Variants in NUDT12 observed in about 807,000 individuals in gnomAD.
NUDT12 encodes the protein NAD-capped RNA hydrolase NUDT12.
Under a neutral mutation model 45.7 loss-of-function variants are expected in NUDT12, and 42 were observed. The observed-to-expected ratio is 0.92, with a 90% CI of 0.72 to 1.19. NUDT12 has a LOEUF of 1.19. NUDT12 is among the 50% of genes most tolerant of loss of function. The probability of loss-of-function intolerance (pLI) is 0.00; values close to 1 mark genes in which losing one functional copy is unlikely to be tolerated. For synonymous variants in NUDT12, 206 were observed against 179.7 expected, an observed-to-expected ratio of 1.15 and a Z score of -1.17; for missense variants, 590 against 533.1, an observed-to-expected ratio of 1.11 and a Z score of -1.05.
At chr5:103,557,313 A>ATATATATATATATATATATATATAT (rs1462727065) in intron 3 of NUDT12, among the ~76,000 whole-genome samples, 1 of 143,848 alleles carries the variant, frequency 7.0e-6, no homozygotes, top group Non-Finnish European at 1.5e-5. Context: ...ATGTCTAAAG[A>ATATATATATATATATATATATATAT]AAATAAATTT....
chr5:103,559,355 G>C lies in NUDT12; in HGVS notation c.320C>G (p.Pro107Arg), dbSNP rs1481953436. The C allele has an allele frequency of 1.2e-6, 2 of 1,613,396 alleles. No individual in the cohort carries two copies. Among genetic ancestry groups the C allele is most frequent in the Non-Finnish European group, 1.7e-6 (2 of 1,179,620 alleles). Reference protein sequence around the residue: ...LLATAKGGKKPWFLTNEVEEC... With the variant: ...LLATAKGGKKRWFLTNEVEEC... Reference sequence around the variant, plus strand: ...TTCCACTTCATTCGTTAGGAACCAAGGCTTCTTCCCACCTTTAGCAGTAGC... The same window carrying C: ...TTCCACTTCATTCGTTAGGAACCAACGCTTCTTCCCACCTTTAGCAGTAGC... Residue 107 changes from proline to arginine, a missense_variant, in exon 3 of 7, where the codon CCT becomes CGT. Transcript: ENST00000230792.
chr5:103,550,355 G>C lies in NUDT12; in HGVS notation c.*506C>G, dbSNP rs908373278. On this transcript the variant is annotated 3_prime_UTR_variant, in exon 7 of 7. Transcript: ENST00000230792. ...GAAAGAGCAAGTGGGACTACAATGGGGAGATGAACAAAAACCATATATTGA... is the reference window on the plus strand; with the variant it reads ...GAAAGAGCAAGTGGGACTACAATGGCGAGATGAACAAAAACCATATATTGA... 1.3e-5 allele frequency: 2 copies of C among 153,790 alleles called. No homozygotes were observed. Among genetic ancestry groups the C allele is most frequent in the Non-Finnish European group, 2.9e-5 (2 of 69,174 alleles). 9.5% of individuals were successfully genotyped at this position (153,790 alleles called of 1,614,324 possible).
chr5:103,559,190 A>G lies in NUDT12; in HGVS notation c.485T>C (p.Leu162Pro). 2 of 1,558,984 alleles carry G rather than the reference A, an allele frequency of 1.3e-6. No homozygotes were observed. The highest frequency in any genetic ancestry group is 4.5e-5 in the East Asian group (2 of 44,480). Residue 162 changes from leucine to proline, a missense_variant, in exon 3 of 7, where the codon CTA becomes CCA. Coordinates refer to ENST00000230792, the MANE Select transcript of NUDT12 (RefSeq NM_031438.4). Reference protein sequence around the residue: ...LFSDLNPLVTLGGNKESFQQP... With the variant: ...LFSDLNPLVTPGGNKESFQQP... The stretch of plus-strand genomic sequence containing the variant: ...TTGGAAACTTTCTTTATTGCCACCT[A>G]GAGTAACCAAGGGATTTAAATCTGA...
intron 6 of NUDT12, 128 bp downstream of exon 6, chr5:103,552,089 T>G (rs1449713359): frequency 3.0e-6 from 2 of 664,750 alleles, no homozygotes; most frequent in Non-Finnish European, 5.4e-6. Flanking sequence ...AATTACCATG[T>G]AATCCATGCA....
chr5:103,556,679 T>C (rs941608376), intron 3 of NUDT12, among the ~76,000 whole-genome samples: 1 of 152,086 alleles, frequency 6.6e-6, no homozygotes, highest in Non-Finnish European at 1.5e-5. Context: ...AAATGCCTAA[T>C]AGGATAAATC....
chr5:103,560,245 A>T lies in NUDT12; in HGVS notation c.4T>A (p.Ser2Thr), dbSNP rs1403373136. The change falls in exon 2 of 7, where the codon TCT becomes ACT. Residue 2 changes from serine (S) to threonine (T), a missense_variant. By Grantham distance (58) the Ser-to-Thr change is moderately conservative (BLOSUM62 1). Coordinates refer to ENST00000230792, the MANE Select transcript of NUDT12 (RefSeq NM_031438.4). M[S>T]SVKRSLKQEI... ...TGCTTCAGACTTCTTTTTACAGAAG[A>T]CATTTCTTCCTTAAAAGAAGGAAAA... The T allele has an allele frequency of 6.2e-7, 1 of 1,610,824 alleles. No individual in the cohort carries two copies. The highest frequency in any genetic ancestry group is 1.7e-5 in the Admixed American group (1 of 59,966).
chr5:103,555,764 T>G (rs1488752103), intron 4 of NUDT12, among the ~76,000 whole-genome samples, 167 bp downstream of exon 4: 1 of 152,042 alleles, frequency 6.6e-6, no homozygotes, highest in Non-Finnish European at 1.5e-5. Flanking sequence ...ATGTACCATG[T>G]TTTTTACTTA....
chr5:103,559,262 C>A lies in NUDT12; in HGVS notation c.413G>T (p.Trp138Leu). 6.3e-7 allele frequency: 1 copy of A among 1,592,932 alleles called. No individual in the cohort carries two copies. Among genetic ancestry groups the A allele is most frequent in the Non-Finnish European group, 8.5e-7 (1 of 1,171,748 alleles). Residue 138 changes from tryptophan (W) to leucine (L), a missense_variant, in exon 3 of 7, where the codon TGG (tryptophan) becomes TTG (leucine). Transcript: ENST00000230792. ...TGGATGGCTTTCTTTAGCTAGCAGC[C>A]AGTCAGAATTATTTCTCTTTTCACT... is the stretch of plus-strand genomic sequence containing the variant. ...RKSEKRNNSDWLLAKESHPAT... is the reference protein window; with the variant it reads ...RKSEKRNNSDLLLAKESHPAT...
intron 1 of NUDT12, among the ~76,000 whole-genome samples, chr5:103,561,060 CTT>C (rs75956704): frequency 2.6e-4 from 35 of 133,222 alleles, no homozygotes; most frequent in African/African-American, 2.8e-4. Flanking sequence ...CTTTTTTTGT[CTT>C]TTTTTTTTTT....
rs1472733950 is a variant in NUDT12, at chr5:103,560,029, C to T, written c.206+14G>A. 1.3e-6 allele frequency: 2 copies of T among 1,584,206 alleles called. No homozygotes were observed. The highest frequency in any genetic ancestry group is 1.7e-5 in the Admixed American group (1 of 59,962). On this transcript the variant is annotated intron_variant, in intron 2 of 6. Coordinates refer to ENST00000230792, the MANE Select transcript of NUDT12 (RefSeq NM_031438.4). ...CCACAAACCCTTTCAGGTGGTACAGCCTAAAATGTTTACCCTTTCTCAAGC... is the reference window on the plus strand; with the variant it reads ...CCACAAACCCTTTCAGGTGGTACAGTCTAAAATGTTTACCCTTTCTCAAGC...
At position 103,550,963 on chromosome 5, in the gene NUDT12, A is replaced by G. The variant is rs1206449295; in HGVS notation, c.1287T>C (p.Asp429=). 6.2e-7 allele frequency: 1 copy of G among 1,613,140 alleles called. No homozygotes were observed. Among genetic ancestry groups the G allele is most frequent in the Non-Finnish European group, 8.5e-7 (1 of 1,179,272 alleles). ...CCTGCTGCTTCCCTTTGGTCAGAAC[A>G]TCCAGGACCTAAAACACACCATAAT... ...ARWFTREQVL[D]VLTKGKQQAF... The change falls in exon 7 of 7, where the codon GAT becomes GAC. Residue 429 remains aspartate, a synonymous_variant. Coordinates refer to ENST00000230792, the MANE Select transcript of NUDT12 (RefSeq NM_031438.4).
rs557316495 is a variant in NUDT12, at chr5:103,553,023, G to C, written c.1079-607C>G. On this transcript the variant is annotated intron_variant, in intron 5 of 6. Coordinates refer to ENST00000230792, the MANE Select transcript of NUDT12 (RefSeq NM_031438.4). ...TGTTGGAATTAAGAATTAGAATAGGGGAAATTGTTTCTAAGTAAAATCATT... is the reference window on the plus strand; with the variant it reads ...TGTTGGAATTAAGAATTAGAATAGGCGAAATTGTTTCTAAGTAAAATCATT... Among the ~76,000 whole-genome samples, 190 of 152,062 alleles carry C rather than the reference G, an allele frequency of 1.2e-3. 4 individuals carry two copies. In the South Asian group the frequency reaches 0.017, roughly 14 times the overall value.
At chr5:103,552,774 A>C (rs1211648582) in intron 5 of NUDT12, among the ~76,000 whole-genome samples, 3 of 152,178 alleles carry the variant, frequency 2.0e-5, no homozygotes, top group Non-Finnish European at 2.9e-5. Context: ...AATAGTTATA[A>C]ATTACATGAT....
intron 5 of NUDT12, among the ~76,000 whole-genome samples, chr5:103,553,601 G>A (rs1748723278): frequency 1.3e-5 from 2 of 152,080 alleles, no homozygotes; most frequent in Non-Finnish European, 2.9e-5. Flanking sequence ...CATAACACAT[G>A]AGCTGGTCGT....
At position 103,550,966 on chromosome 5, in the gene NUDT12, C is replaced by T; in HGVS notation, c.1284G>A (p.Leu428=). The change falls in exon 7 of 7, where the codon CTG becomes CTA. Residue 428 remains leucine, a synonymous_variant. Coordinates refer to ENST00000230792, the MANE Select transcript of NUDT12 (RefSeq NM_031438.4). ...GCTGCTTCCCTTTGGTCAGAACATCCAGGACCTAAAACACACCATAATAGA... is the reference window on the plus strand; with the variant it reads ...GCTGCTTCCCTTTGGTCAGAACATCTAGGACCTAAAACACACCATAATAGA... The part of the protein sequence containing the change: ...DARWFTREQV[L]DVLTKGKQQA... 1 of 1,612,704 alleles carries T rather than the reference C, an allele frequency of 6.2e-7. No individual in the cohort carries two copies. The highest frequency in any genetic ancestry group is 8.5e-7 in the Non-Finnish European group (1 of 1,178,938).
chr5:103,560,828 A>G (rs1749011838), intron 1 of NUDT12, among the ~76,000 whole-genome samples: 1 of 152,166 alleles, frequency 6.6e-6, no homozygotes, highest in Admixed American at 6.5e-5. Context: ...CTACACTGAG[A>G]CAAATATTGT....
At chr5:103,551,116 G>T in intron 6 of NUDT12, 145 bp from the exon 7 acceptor site, 1 of 606,708 alleles carries the variant, frequency 1.6e-6, no homozygotes, top group Non-Finnish European at 2.8e-6. Flanking sequence ...ATATTTACAT[G>T]CAAAGTTTTT....
At chr5:103,552,574 AT>A (rs946070137) in intron 5 of NUDT12, among the ~76,000 whole-genome samples, 158 bp from the exon 6 acceptor site, 49 of 152,172 alleles carry the variant, frequency 3.2e-4, no homozygotes, top group Non-Finnish European at 5.4e-4. Flanking sequence ...GAAGAAAACA[AT>A]TTTTTTAAAG....
intron 1 of NUDT12, among the ~76,000 whole-genome samples, 198 bp downstream of exon 1, chr5:103,562,505 G>C (rs1304550417): frequency 6.6e-6 from 1 of 151,938 alleles, no homozygotes; most frequent in Non-Finnish European, 1.5e-5. Flanking sequence ...CAGTACCGCC[G>C]CACCTCCGCC....
Sources: gnomAD v4.1 joint callset for allele counts (sites outside exome capture counted in the v4.1 genomes callset) on GRCh38, gnomAD v4.1.1 for gene constraint, MANE v1.5 for transcripts, NCBI Gene and HGNC (gene_info 2026-07-23, HGNC 2026-07-21) for gene names.